PTPRD: variants seen among roughly 807,000 people sequenced by gnomAD.
PTPRD encodes the protein protein tyrosine phosphatase receptor type D.
In PTPRD, 34 loss-of-function variants were observed where a neutral mutation model predicts 214.5. That is an observed-to-expected ratio of 0.16 (90% CI 0.12 to 0.21). The LOEUF (loss-of-function observed/expected upper bound fraction) is 0.21. Ranked by LOEUF, PTPRD falls within the 10% of genes least tolerant of loss-of-function variation. The pLI is 1.00. For missense variants in PTPRD, 2,545 were observed against 2,398.7 expected (o/e 1.06, Z -1.27); for synonymous variants, 1,128 against 845.7 (o/e 1.33, Z -5.79).
intron 3 of PTPRD, among the ~76,000 whole-genome samples, chr9:10,187,197 T>C (rs1414845785): frequency 6.6e-6 from 1 of 152,140 alleles, no homozygotes; most frequent in Non-Finnish European, 1.5e-5. Flanking sequence ...TTTTTTAACC[T>C]TTCTGTCTCT....
intron 9 of PTPRD, among the ~76,000 whole-genome samples, chr9:9,200,292 A>T (rs2099941107): frequency 6.6e-6 from 1 of 152,204 alleles, no homozygotes; most frequent in African/African-American, 2.4e-5. Flanking sequence ...TTGTTATGTG[A>T]GATGAAACAC....
intron 2 of PTPRD, among the ~76,000 whole-genome samples, chr9:10,369,512 T>A (rs917292975): frequency 7.2e-5 from 11 of 152,190 alleles, no homozygotes; most frequent in African/African-American, 2.6e-4. Context: ...TAAACACAAC[T>A]TTGAAAGCCA....
chr9:9,400,850 T>C (rs914784918), intron 8 of PTPRD, among the ~76,000 whole-genome samples: 8 of 152,060 alleles, frequency 5.3e-5, no homozygotes, highest in African/African-American at 1.4e-4. Flanking sequence ...ACCTTTCAGA[T>C]GCAAATTTAT....
At chr9:8,929,821 G>A (rs1458430875) in intron 11 of PTPRD, among the ~76,000 whole-genome samples, 8 of 51,096 alleles carry the variant, frequency 1.6e-4, no homozygotes, top group Non-Finnish European at 3.0e-4. Context: ...ATATATATGT[G>A]TATATATATG....
intron 10 of PTPRD, among the ~76,000 whole-genome samples, chr9:9,145,329 T>C (rs539683026): frequency 4.8e-4 from 73 of 152,304 alleles, no homozygotes; most frequent in African/African-American, 1.8e-3. Flanking sequence ...AGGTTTAAGC[T>C]GCCATCAAAA....
intron 4 of PTPRD, among the ~76,000 whole-genome samples, chr9:9,966,328 G>A (rs144793944): frequency 6.6e-6 from 1 of 152,148 alleles, no homozygotes; most frequent in East Asian, 1.9e-4. Context: ...GACTTTCTAG[G>A]TTCATAGACC....
intron 11 of PTPRD, among the ~76,000 whole-genome samples, chr9:8,748,039 T>C (rs2093034561): frequency 6.6e-6 from 1 of 152,160 alleles, no homozygotes. Flanking sequence ...ACCGGCCTGC[T>C]AGCCCATGCT....
At chr9:9,264,171 C>T (rs1937823212) in intron 9 of PTPRD, among the ~76,000 whole-genome samples, 1 of 151,488 alleles carries the variant, frequency 6.6e-6, no homozygotes, top group Admixed American at 6.6e-5. Flanking sequence ...ATATGACACC[C>T]CCAAAGGTAC....
intron 10 of PTPRD, among the ~76,000 whole-genome samples, chr9:9,086,707 A>T (rs972530142): frequency 6.6e-6 from 1 of 152,086 alleles, no homozygotes; most frequent in Admixed American, 6.5e-5. Context: ...CTAACAATGG[A>T]CATCTATTTT....
At chr9:10,231,983 AG>A (rs2099612377) in intron 3 of PTPRD, among the ~76,000 whole-genome samples, 1 of 97,170 alleles carries the variant, frequency 1.0e-5, no homozygotes, top group East Asian at 3.2e-4. Context: ...AGAGAGAGAG[AG>A]AGAGAGTGTG....
chr9:10,165,221 C>T (rs931557606), intron 3 of PTPRD, among the ~76,000 whole-genome samples: 1 of 151,602 alleles, frequency 6.6e-6, no homozygotes, highest in Admixed American at 6.6e-5. Context: ...CTTATATTTG[C>T]TTGGAAGTAA....
intron 2 of PTPRD, among the ~76,000 whole-genome samples, chr9:10,567,375 C>A (rs1048211708): frequency 7.9e-5 from 11 of 140,068 alleles, no homozygotes; most frequent in Admixed American, 4.9e-4. Context: ...AATACTATAG[C>A]TTTTCTGCAA....
At chr9:10,086,760 C>G (rs529461735) in intron 3 of PTPRD, among the ~76,000 whole-genome samples, 1 of 151,944 alleles carries the variant, frequency 6.6e-6, no homozygotes, top group South Asian at 2.1e-4. Flanking sequence ...AATGCAAACA[C>G]AACTTCGCTG....
At chr9:10,041,664 T>G (rs73641817) in intron 3 of PTPRD, among the ~76,000 whole-genome samples, 4,048 of 152,034 alleles carry the variant, frequency 0.027, 192 homozygotes, top group African/African-American at 0.092. Flanking sequence ...TAGGTATCAA[T>G]GTTATGAAAA....
intron 2 of PTPRD, among the ~76,000 whole-genome samples, chr9:10,427,791 T>C (rs2098637322): frequency 6.6e-6 from 1 of 152,088 alleles, no homozygotes; most frequent in Non-Finnish European, 1.5e-5. Flanking sequence ...TAAAATATTT[T>C]GCATGAGTGA....
intron 2 of PTPRD, among the ~76,000 whole-genome samples, chr9:10,417,824 T>C (rs1284470224): frequency 6.6e-6 from 1 of 151,822 alleles, no homozygotes; most frequent in African/African-American, 2.4e-5. Flanking sequence ...CGATCTAGTC[T>C]TCACTGTTTG....
chr9:10,470,435 C>T lies in PTPRD; in HGVS notation c.-599-129418G>A, dbSNP rs540374975. On this transcript the variant is annotated intron_variant, in intron 2 of 45. Coordinates refer to ENST00000381196, the MANE Select transcript of PTPRD (RefSeq NM_002839.4). ...GTTTATAAAAACCTTCTAAGAAAAA[C>T]AGTCTGATGCAATCTATATAAAATA... Among the ~76,000 whole-genome samples, 9 of 152,126 alleles carry T rather than the reference C, an allele frequency of 5.9e-5. No homozygotes were observed. The East Asian group carries it at 1.7e-3, about 29-fold the overall frequency.
intron 7 of PTPRD, among the ~76,000 whole-genome samples, chr9:9,699,943 G>C (rs1206327738): frequency 2.0e-5 from 3 of 152,142 alleles, no homozygotes; most frequent in African/African-American, 7.2e-5. Context: ...GATTTGACAA[G>C]TATGCATTCC....
intron 11 of PTPRD, among the ~76,000 whole-genome samples, chr9:8,927,281 G>A (rs10977364): frequency 0.5 from 75,319 of 151,826 alleles, 19,336 homozygotes; most frequent in East Asian, 0.81. Flanking sequence ...GTGCAGGCTT[G>A]TAACATAGGC....
Sources: gnomAD v4.1 joint callset for allele counts (sites outside exome capture counted in the v4.1 genomes callset) on GRCh38, gnomAD v4.1.1 for gene constraint, MANE v1.5 for transcripts, NCBI Gene and HGNC (gene_info 2026-07-23, HGNC 2026-07-21) for gene names.